Variants in GMDS observed in about 807,000 individuals in gnomAD.
GMDS encodes GDP-mannose 4,6-dehydratase, also known as GDP-mannose 4,6 dehydratase.
A neutral mutation model predicts 49.9 loss-of-function variants in GMDS; 20 were observed. The ratio of observed to expected loss-of-function variants is 0.40; its 90% confidence interval spans 0.28 to 0.58. The LOEUF is 0.58. Among genes scored for constraint, GMDS ranks in the 20% least tolerant of loss-of-function variants. The probability of loss-of-function intolerance (pLI) is 0.42; values close to 1 mark genes in which losing one functional copy is unlikely to be tolerated. For synonymous variants in GMDS, 177 were observed against 178.6 expected (o/e 0.99, Z 0.07); for missense variants, 362 against 481.4 (o/e 0.75, Z 2.32).
intron 7 of GMDS, among the ~76,000 whole-genome samples, chr6:1,799,049 GA>G (rs1226719221): frequency 2.8e-4 from 42 of 152,166 alleles, no homozygotes; most frequent in African/African-American, 9.9e-4. Context: ...TTTCAAATAG[GA>G]ACTTTCAAAC....
intron 9 of GMDS, among the ~76,000 whole-genome samples, chr6:1,645,464 C>T (rs962612558): frequency 2.6e-5 from 4 of 152,202 alleles, no homozygotes; most frequent in African/African-American, 9.6e-5. Context: ...GGCATGTGCA[C>T]GGCATGCTCG....
At chr6:1,624,280 T>G (rs1561681672) in intron 10 of GMDS, 49 bp from the exon 11 acceptor site, 1 of 1,544,722 alleles carries the variant, frequency 6.5e-7, no homozygotes, top group East Asian at 2.3e-5. Flanking sequence ...CACTCTCTCC[T>G]GGTGACACCC....
At chr6:1,677,021 A>G (rs1237315284) in intron 9 of GMDS, among the ~76,000 whole-genome samples, 2 of 152,348 alleles carry the variant, frequency 1.3e-5, no homozygotes, top group South Asian at 2.1e-4. Flanking sequence ...AATGTTTGCA[A>G]TCTACCCATC....
intron 7 of GMDS, among the ~76,000 whole-genome samples, chr6:1,779,204 G>A (rs1768973533): frequency 1.3e-5 from 2 of 152,176 alleles, no homozygotes; most frequent in Admixed American, 1.3e-4. Flanking sequence ...TCCACTTACT[G>A]GAAACTTCAG....
At chr6:1,651,346 C>A (rs912060698) in intron 9 of GMDS, among the ~76,000 whole-genome samples, 1 of 152,230 alleles carries the variant, frequency 6.6e-6, no homozygotes, top group Admixed American at 6.5e-5. Flanking sequence ...CATGGTGTCT[C>A]ACAGGAATAG....
At chr6:1,657,264 G>C (rs796311441) in intron 9 of GMDS, among the ~76,000 whole-genome samples, 31 of 152,342 alleles carry the variant, frequency 2.0e-4, no homozygotes, top group African/African-American at 7.5e-4. Context: ...AGACAGAGTG[G>C]AGAGTGAGGA....
At chr6:1,853,827 T>C (rs1291308594) in intron 7 of GMDS, among the ~76,000 whole-genome samples, 1 of 152,220 alleles carries the variant, frequency 6.6e-6, no homozygotes, top group Non-Finnish European at 1.5e-5. Context: ...AACTTACTTA[T>C]TCATTGTAGA....
intron 7 of GMDS, among the ~76,000 whole-genome samples, chr6:1,870,620 T>C (rs1424750330): frequency 6.6e-6 from 1 of 152,208 alleles, no homozygotes; most frequent in Admixed American, 6.5e-5. Context: ...AGTTCAGTGC[T>C]AGTTATCTTG....
chr6:1,891,966 T>C (rs989359356), intron 7 of GMDS, among the ~76,000 whole-genome samples: 3 of 152,208 alleles, frequency 2.0e-5, no homozygotes, highest in Non-Finnish European at 2.9e-5. Context: ...AGTTACGCCA[T>C]ATAAATTGTT....
intron 4 of GMDS, among the ~76,000 whole-genome samples, chr6:2,093,085 G>T (rs1023258486): frequency 5.3e-5 from 8 of 152,142 alleles, no homozygotes; most frequent in African/African-American, 1.9e-4. Flanking sequence ...AGACAAAGCA[G>T]GAAACCTATA....
At chr6:1,965,162 G>T (rs1326017596) in intron 4 of GMDS, among the ~76,000 whole-genome samples, 1 of 152,136 alleles carries the variant, frequency 6.6e-6, no homozygotes, top group East Asian at 1.9e-4. Context: ...ATAGCAGCAT[G>T]ATTTATAATC....
chr6:1,944,145 C>A (rs1176186398), intron 6 of GMDS, among the ~76,000 whole-genome samples: 1 of 152,172 alleles, frequency 6.6e-6, no homozygotes, highest in Admixed American at 6.5e-5. Flanking sequence ...ATTACAATTT[C>A]TCTTTAGCTC....
At chr6:1,772,928 T>C (rs1163385549) in intron 7 of GMDS, among the ~76,000 whole-genome samples, 1 of 152,242 alleles carries the variant, frequency 6.6e-6, no homozygotes, top group East Asian at 1.9e-4. Flanking sequence ...AAAATAGCAG[T>C]TAACTGTCAT....
chr6:2,235,590 G>C (rs1054236489), intron 1 of GMDS, among the ~76,000 whole-genome samples: 3 of 151,612 alleles, frequency 2.0e-5, no homozygotes, highest in Admixed American at 6.6e-5. Flanking sequence ...AGAATTGCTT[G>C]AGCCAAGGAG....
At chr6:2,041,303 A>C (rs145185008) in intron 4 of GMDS, among the ~76,000 whole-genome samples, 3 of 152,248 alleles carry the variant, frequency 2.0e-5, no homozygotes, top group Non-Finnish European at 4.4e-5. Flanking sequence ...AGGTATGCCC[A>C]AAAAATGGTA....
chr6:2,016,078 A>AT (rs1561977205), intron 4 of GMDS, among the ~76,000 whole-genome samples: 5 of 118,614 alleles, frequency 4.2e-5, no homozygotes, highest in African/African-American at 1.7e-4. Context: ...AAAAAAAAAA[A>AT]AAATAAATTA....
chr6:2,158,230 C>T (rs565188036), intron 1 of GMDS, among the ~76,000 whole-genome samples: 12 of 152,132 alleles, frequency 7.9e-5, no homozygotes, highest in Admixed American at 5.2e-4. Flanking sequence ...TACATATATA[C>T]ATACATATAT....
chr6:1,912,235 G>A lies in GMDS; in HGVS notation c.771+17868C>T, dbSNP rs534726204. On this transcript the variant is annotated intron_variant, in intron 7 of 10. Coordinates refer to ENST00000380815, the MANE Select transcript of GMDS (RefSeq NM_001500.4). ...ACAAAAATTAGCCAGGTGCGGTGGCGGGCGCCTGTAATCCTAGCTACTTGG... is the reference window on the plus strand; with the variant it reads ...ACAAAAATTAGCCAGGTGCGGTGGCAGGCGCCTGTAATCCTAGCTACTTGG... Among the ~76,000 whole-genome samples the A allele has an allele frequency of 5.9e-5, 9 of 152,008 alleles. No individual in the cohort carries two copies. The South Asian group carries it at 1.5e-3, about 25-fold the overall frequency.
chr6:2,133,661 G>A (rs1220840884), intron 1 of GMDS, among the ~76,000 whole-genome samples: 1 of 152,104 alleles, frequency 6.6e-6, no homozygotes, highest in Admixed American at 6.5e-5. Flanking sequence ...GTAAATCACT[G>A]AAGAAACATA....
Sources: allele counts gnomAD v4.1 joint callset (sites outside exome capture counted in the v4.1 genomes callset), GRCh38; gene constraint gnomAD v4.1.1; transcripts MANE v1.5; gene names NCBI Gene and HGNC (gene_info 2026-07-23, HGNC 2026-07-21).